The following CDK12 variants were observed in gnomAD, a reference collection of about 807,000 sequenced individuals.
CDK12 encodes the protein cyclin-dependent kinase 12.
CDK12 carries 17 observed loss-of-function variants against 133.8 expected under a neutral mutation model. The observed-to-expected ratio is 0.13, with a 90% CI of 0.09 to 0.19. The LOEUF (loss-of-function observed/expected upper bound fraction) is 0.19. Ranked by LOEUF, CDK12 falls within the 10% of genes least tolerant of loss-of-function variation. CDK12 has a pLI of 1.00. For synonymous variants in CDK12, 694 were observed against 683.6 expected (o/e 1.02, Z -0.24); for missense variants, 1,508 against 1,818.7 (o/e 0.83, Z 3.11).
intron 8 of CDK12, among the ~76,000 whole-genome samples, chr17:39,514,415 T>C (rs2053669726): frequency 6.6e-6 from 1 of 152,228 alleles, no homozygotes; most frequent in African/African-American, 2.4e-5. Context: ...TTGTCTCATT[T>C]CAAAGCATAG....
intron 12 of CDK12, 61 bp downstream of exon 12, chr17:39,524,946 C>A: frequency 7.0e-7 from 1 of 1,430,292 alleles, no homozygotes; most frequent in South Asian, 1.2e-5. Context: ...TTTTGAAGGT[C>A]AAGTGTAAGG....
At chr17:39,519,861 T>G in intron 10 of CDK12, 95 bp from the exon 11 acceptor site, 1 of 1,468,702 alleles carries the variant, frequency 6.8e-7, no homozygotes, top group South Asian at 1.2e-5. Flanking sequence ...CCCAAAGTGC[T>G]GGAATTACAG....
At chr17:39,494,137 A>G (rs1362810806) in intron 4 of CDK12, among the ~76,000 whole-genome samples, 1 of 152,038 alleles carries the variant, frequency 6.6e-6, no homozygotes, top group Non-Finnish European at 1.5e-5. Flanking sequence ...AGCTCACTGC[A>G]ACCTCTGCTC....
rs779615632 is a variant in CDK12, at chr17:39,511,584, C to T, written c.2722C>T (p.Leu908=). The change falls in exon 8 of 14, where the codon CTA becomes TTA. Residue 908 remains leucine, a synonymous_variant. Coordinates refer to ENST00000447079, the MANE Select transcript of CDK12 (RefSeq NM_016507.4). Reference sequence around the variant, plus strand: ...GTGGTACCGACCTCCAGAACTACTGCTAGGAGAGGAACGTTACACACCAGC... The same window carrying T: ...GTGGTACCGACCTCCAGAACTACTGTTAGGAGAGGAACGTTACACACCAGC... ...TLWYRPPELL[L]GEERYTPAID... The T allele has an allele frequency of 3.7e-6, 6 of 1,612,986 alleles. No individual in the cohort carries two copies. The African/African-American group carries it at 5.3e-5, about 14-fold the overall frequency.
At chr17:39,563,915 G>A (rs1421095598) in intron 3 of CDK12, among the ~76,000 whole-genome samples, 1 of 152,270 alleles carries the variant, frequency 6.6e-6, no homozygotes. Context: ...CTTGACATAC[G>A]TTAATGTTCT....
In CDK12 at chr17:39,515,801, C is replaced by G; in HGVS notation, c.2839C>G (p.Leu947Val). The G allele has an allele frequency of 5.6e-6, 9 of 1,611,600 alleles. No homozygotes were observed. The highest frequency in any genetic ancestry group is 7.6e-6 in the Non-Finnish European group (9 of 1,177,940). ...QANLELAQLE[L>V]ISRLCGSPCP... ...CAATCTGGAACTGGCTCAGCTAGAA[C>G]TGATCAGGTACAGCTGTACATGTGC... Residue 947 changes from leucine (L) to valine (V), a missense_variant, in exon 9 of 14, where the codon CTG becomes GTG. Physicochemically the swap from Leu to Val is conservative, Grantham distance 32. This residue lies in a region of CDK12 where 82 missense variants were observed against 201.5 expected (regional missense o/e 0.41). Transcript: ENST00000447079.
intron 5 of CDK12, among the ~76,000 whole-genome samples, chr17:39,497,568 A>G (rs1253637185): frequency 6.6e-6 from 1 of 151,394 alleles, no homozygotes; most frequent in Non-Finnish European, 1.5e-5. Context: ...TGTCATCTGG[A>G]TAGGTTAAGT....
chr17:39,468,055 G>T (rs765036715), intron 1 of CDK12, among the ~76,000 whole-genome samples: 7 of 151,730 alleles, frequency 4.6e-5, no homozygotes, highest in Non-Finnish European at 5.9e-5. Context: ...CACCATGCCC[G>T]GCTAATTTTT....
downstream of CDK12, among the ~76,000 whole-genome samples, chr17:39,565,980 T>C (rs921995104): frequency 1.3e-5 from 2 of 152,172 alleles, no homozygotes; most frequent in Non-Finnish European, 2.9e-5. Context: ...AGCCTAGGCC[T>C]GTATGTAGAG....
chr17:39,553,690 A>G (rs973925327), intron 2 of CDK12, among the ~76,000 whole-genome samples: 3 of 152,192 alleles, frequency 2.0e-5, no homozygotes, highest in African/African-American at 4.8e-5. Context: ...GAAGATAGGA[A>G]GATGGCAGGC....
At chr17:39,551,835 T>A (rs1296571373) in intron 2 of CDK12, among the ~76,000 whole-genome samples, 1 of 151,984 alleles carries the variant, frequency 6.6e-6, no homozygotes, top group Non-Finnish European at 1.5e-5. Flanking sequence ...AGAAAGGGGG[T>A]TCTCCCACTA....
intron 3 of CDK12, among the ~76,000 whole-genome samples, chr17:39,558,077 G>A (rs1376128056): frequency 6.6e-6 from 1 of 152,198 alleles, no homozygotes; most frequent in Non-Finnish European, 1.5e-5. Context: ...GAAGTTAGCA[G>A]GGCTGATATT....
intron 6 of CDK12, among the ~76,000 whole-genome samples, chr17:39,503,646 A>C (rs561037597): frequency 6.6e-6 from 1 of 152,270 alleles, no homozygotes; most frequent in East Asian, 1.9e-4. Flanking sequence ...CAGAAAGCTG[A>C]TGAGGTTCCA....
At chr17:39,507,926 T>G (rs569263775) in intron 6 of CDK12, among the ~76,000 whole-genome samples, 36 of 152,298 alleles carry the variant, frequency 2.4e-4, no homozygotes, top group Admixed American at 2.2e-3. Flanking sequence ...AAGCATTGAT[T>G]TAATGTAGAA....
At chr17:39,469,464 C>T (rs2049613798) in intron 1 of CDK12, among the ~76,000 whole-genome samples, 1 of 152,002 alleles carries the variant, frequency 6.6e-6, no homozygotes, top group African/African-American at 2.4e-5. Flanking sequence ...TTGTTTAGTA[C>T]TTTATTTTAA....
At chr17:39,552,534 G>C (rs778984750) in intron 2 of CDK12, among the ~76,000 whole-genome samples, 1 of 152,234 alleles carries the variant, frequency 6.6e-6, no homozygotes, top group African/African-American at 2.4e-5. Flanking sequence ...CATTGAAGGA[G>C]AGAGGGTGGC....
intron 1 of CDK12, 71 bp downstream of exon 1, chr17:39,463,188 CAT>C: frequency 7.3e-7 from 1 of 1,378,940 alleles, no homozygotes; most frequent in Non-Finnish European, 1.0e-6. Context: ...AGCGTGTTAA[CAT>C]TGTCTGGAAG....
intron 2 of CDK12, among the ~76,000 whole-genome samples, chr17:39,481,265 GA>G (rs71147344): frequency 0.67 from 86,377 of 129,682 alleles, 28,860 homozygotes; most frequent in South Asian, 0.87. Context: ...AAAAAAAAAA[GA>G]AAAAAAAAAA....
At chr17:39,503,112 C>A (rs890049848) in intron 6 of CDK12, among the ~76,000 whole-genome samples, 2 of 152,186 alleles carry the variant, frequency 1.3e-5, no homozygotes, top group Non-Finnish European at 2.9e-5. Flanking sequence ...GAGTCTCACT[C>A]TGTCGCCCAG....
Sources: gnomAD v4.1 joint callset for allele counts (sites outside exome capture counted in the v4.1 genomes callset) on GRCh38, gnomAD v4.1.1 for gene constraint, gnomAD v4.1.1 regional missense constraint, MANE v1.5 for transcripts, NCBI Gene and HGNC (gene_info 2026-07-23, HGNC 2026-07-21) for gene names.